SORCS2: variants seen among roughly 807,000 people sequenced by gnomAD.
SORCS2 encodes the protein sortilin related VPS10 domain containing receptor 2, also known as VPS10 domain-containing receptor SorCS2.
In SORCS2, 100 loss-of-function variants were observed where a neutral mutation model predicts 141.6. The ratio of observed to expected loss-of-function variants is 0.71; its 90% CI spans 0.60 to 0.83. The LOEUF (loss-of-function observed/expected upper bound fraction) is 0.83. Ranked by LOEUF, SORCS2 falls within the 40% of genes least tolerant of loss-of-function variation. The pLI, the probability that SORCS2 is intolerant of heterozygous loss-of-function variation, is 0.00. For synonymous variants in SORCS2, 789 were observed against 676.9 expected (o/e 1.17, Z -2.57); for missense variants, 1,646 against 1,560.2 (o/e 1.05, Z -0.93).
At chr4:7,542,382 C>T (rs971076429) in intron 3 of SORCS2, among the ~76,000 whole-genome samples, 1 of 152,040 alleles carries the variant, frequency 6.6e-6, no homozygotes, top group Non-Finnish European at 1.5e-5. Flanking sequence ...TCATTTCCAA[C>T]ATGACTGGTA....
At chr4:7,600,656 T>TATACACACACACAC (rs1304491103) in intron 3 of SORCS2, among the ~76,000 whole-genome samples, 2 of 140,902 alleles carry the variant, frequency 1.4e-5, no homozygotes, top group African/African-American at 5.5e-5. Flanking sequence ...CATATATATA[T>TATACACACACACAC]ACACACACAC....
intron 1 of SORCS2, among the ~76,000 whole-genome samples, chr4:7,241,810 T>TG: frequency 6.6e-6 from 1 of 152,238 alleles, no homozygotes; most frequent in East Asian, 1.9e-4. Flanking sequence ...AGTGAGCACT[T>TG]GGGGAAATGA....
At chr4:7,429,807 C>G (rs1241435716) in intron 2 of SORCS2, among the ~76,000 whole-genome samples, 1 of 152,202 alleles carries the variant, frequency 6.6e-6, no homozygotes, top group Non-Finnish European at 1.5e-5. Flanking sequence ...GCTGCTCCCT[C>G]CACTACTGGC....
intron 2 of SORCS2, among the ~76,000 whole-genome samples, chr4:7,473,311 G>A (rs1182822429): frequency 6.6e-6 from 1 of 152,150 alleles, no homozygotes; most frequent in Non-Finnish European, 1.5e-5. Context: ...GAGGGAGATG[G>A]CGTGTTCCCA....
At chr4:7,566,115 T>C (rs1423672096) in intron 3 of SORCS2, among the ~76,000 whole-genome samples, 1 of 144,500 alleles carries the variant, frequency 6.9e-6, no homozygotes, top group Non-Finnish European at 1.6e-5. Flanking sequence ...ATAATGGTAA[T>C]GGTGATGGTG....
chr4:7,676,465 A>G (rs1365381199), intron 9 of SORCS2, among the ~76,000 whole-genome samples: 1 of 152,330 alleles, frequency 6.6e-6, no homozygotes, highest in Admixed American at 6.5e-5. Flanking sequence ...TACAATGATC[A>G]TCAAGTATAA....
intron 1 of SORCS2, among the ~76,000 whole-genome samples, chr4:7,342,025 A>G (rs1021845656): frequency 9.2e-5 from 14 of 152,226 alleles, no homozygotes; most frequent in African/African-American, 2.7e-4. Context: ...CCATGTGTCA[A>G]TACCCCATTC....
chr4:7,628,065 A>C (rs981584441), intron 3 of SORCS2, among the ~76,000 whole-genome samples: 55 of 152,352 alleles, frequency 3.6e-4, no homozygotes, highest in African/African-American at 1.2e-3. Flanking sequence ...TGTGCCTGTC[A>C]GCGGTCATGT....
rs543924326 is a variant in SORCS2 at position 7,396,327 on chromosome 4, G to T, written c.520G>T (p.Gly174Trp). 6.2e-7 allele frequency: 1 copy of T among 1,613,978 alleles called. No homozygotes were observed. Among genetic ancestry groups the T allele is most frequent in the African/African-American group, 1.3e-5 (1 of 75,056 alleles). Residue 174 changes from glycine (G) to tryptophan (W), a missense_variant, in exon 2 of 27, where the codon GGG becomes TGG. Coordinates refer to ENST00000507866, the MANE Select transcript of SORCS2 (RefSeq NM_020777.3). The part of the protein sequence containing the change: ...ILTKYYHADM[G>W]KVLESSLWRS... ...GACGAAGTACTACCACGCAGACATG[G>T]GGAAGGTTCTGGAAAGTTCTCTGTG...
At chr4:7,414,307 C>T (rs544789935) in intron 2 of SORCS2, among the ~76,000 whole-genome samples, 1 of 152,228 alleles carries the variant, frequency 6.6e-6, no homozygotes, top group South Asian at 2.1e-4. Flanking sequence ...CCCGTCCTAC[C>T]CCCGGGCATG....
intron 3 of SORCS2, among the ~76,000 whole-genome samples, chr4:7,533,487 T>C (rs6446607): frequency 0.47 from 70,893 of 151,998 alleles, 19,250 homozygotes; most frequent in African/African-American, 0.75. Flanking sequence ...CCAGCCGATC[T>C]GGTCCTGGTG....
At chr4:7,514,846 G>A (rs1159252047) in intron 2 of SORCS2, among the ~76,000 whole-genome samples, 1 of 152,114 alleles carries the variant, frequency 6.6e-6, no homozygotes, top group South Asian at 2.1e-4. Context: ...AGGCAGCTCA[G>A]GGCCCCCACC....
At chr4:7,281,608 T>C (rs1158305700) in intron 1 of SORCS2, among the ~76,000 whole-genome samples, 1 of 152,214 alleles carries the variant, frequency 6.6e-6, no homozygotes, top group Non-Finnish European at 1.5e-5. Flanking sequence ...GTCATTGCCA[T>C]CTGTTTCTTG....
At chr4:7,485,779 C>T (rs914057828) in intron 2 of SORCS2, among the ~76,000 whole-genome samples, 2 of 152,104 alleles carry the variant, frequency 1.3e-5, no homozygotes, top group African/African-American at 2.4e-5. Flanking sequence ...CAGGGGAGCC[C>T]GATGAGGCTC....
At chr4:7,532,381 C>T (rs1294006855) in intron 3 of SORCS2, among the ~76,000 whole-genome samples, 1 of 152,244 alleles carries the variant, frequency 6.6e-6, no homozygotes, top group Non-Finnish European at 1.5e-5. Context: ...CCACACCTCG[C>T]ACAGGGAATT....
At chr4:7,735,938 C>T (rs747988468) in intron 25 of SORCS2, among the ~76,000 whole-genome samples, 39 of 152,208 alleles carry the variant, frequency 2.6e-4, no homozygotes, top group Admixed American at 1.3e-4. Flanking sequence ...ACCAGGCACC[C>T]GACTGCCCTG....
At chr4:7,645,726 G>C (rs1721030275) in intron 4 of SORCS2, among the ~76,000 whole-genome samples, 1 of 152,196 alleles carries the variant, frequency 6.6e-6, no homozygotes, top group African/African-American at 2.4e-5. Flanking sequence ...TGAAGCTTAT[G>C]TTCTAGGGGA....
chr4:7,649,855 C>T (rs1043388953), intron 4 of SORCS2, among the ~76,000 whole-genome samples: 1 of 152,092 alleles, frequency 6.6e-6, no homozygotes, highest in African/African-American at 2.4e-5. Flanking sequence ...TCCATGATGT[C>T]GTTGGTTCGT....
chr4:7,689,449 C>CA, intron 10 of SORCS2, 37 bp from the exon 11 acceptor site: 1 of 1,545,662 alleles, frequency 6.5e-7, no homozygotes, highest in South Asian at 1.2e-5. Flanking sequence ...TGCTCCTACT[C>CA]ATGTGTTGAC....
Sources: allele counts gnomAD v4.1 joint callset (sites outside exome capture counted in the v4.1 genomes callset), GRCh38; gene constraint gnomAD v4.1.1; transcripts MANE v1.5; gene names NCBI Gene and HGNC (gene_info 2026-07-23, HGNC 2026-07-21).